DMGDH: variants seen among roughly 807,000 people sequenced by gnomAD.
DMGDH encodes dimethylglycine dehydrogenase, also known as dimethylglycine dehydrogenase, mitochondrial.
A neutral mutation model predicts 95.2 loss-of-function variants in DMGDH; 76 were observed. That is an observed-to-expected ratio of 0.80 (90% CI 0.66 to 0.97). DMGDH has a LOEUF of 0.97. DMGDH is among the 50% of genes least tolerant of loss of function. DMGDH has a pLI of 0.00. For missense variants in DMGDH, 987 were observed against 1,055.0 expected, an observed-to-expected ratio of 0.94 and a Z score of 0.89; for synonymous variants, 345 against 377.6, an observed-to-expected ratio of 0.91 and a Z score of 1.00.
chr5:79,008,590 G>A (rs1288721552), intron 14 of DMGDH, among the ~76,000 whole-genome samples: 1 of 152,112 alleles, frequency 6.6e-6, no homozygotes, highest in African/African-American at 2.4e-5. Flanking sequence ...TGGGGGTGCT[G>A]GATGAGAGCT....
At chr5:79,021,577 T>C in intron 14 of DMGDH, 10 of 1,297,834 alleles carry the variant, frequency 7.7e-6, no homozygotes, top group Non-Finnish European at 1.0e-5. Flanking sequence ...CCCTACTTGC[T>C]GACAGGTTTT....
At chr5:79,052,051 G>C (rs1239386057) in intron 4 of DMGDH, among the ~76,000 whole-genome samples, 1 of 152,164 alleles carries the variant, frequency 6.6e-6, no homozygotes, top group East Asian at 1.9e-4. Context: ...TGTCTTTTCT[G>C]TATCTATTGA....
At chr5:79,030,449 C>T (rs1034831458) in intron 10 of DMGDH, 13 of 251,574 alleles carry the variant, frequency 5.2e-5, no homozygotes, top group African/African-American at 1.1e-4. Flanking sequence ...GTCAGGAGTT[C>T]GAGACCAACA....
intron 15 of DMGDH, among the ~76,000 whole-genome samples, chr5:79,002,372 C>T (rs2112597551): frequency 6.6e-6 from 1 of 152,276 alleles, no homozygotes; most frequent in South Asian, 2.1e-4. Flanking sequence ...CATCTTTATG[C>T]CTTGATTTCA....
chr5:79,016,389 C>CAAA (rs1753735551), intron 14 of DMGDH, among the ~76,000 whole-genome samples: 1 of 152,114 alleles, frequency 6.6e-6, no homozygotes, highest in Non-Finnish European at 1.5e-5. Context: ...GCAGATTGAG[C>CAAA]AAAGTTCCAA....
At chr5:79,006,150 A>G (rs749431206) in intron 14 of DMGDH, among the ~76,000 whole-genome samples, 1 of 151,626 alleles carries the variant, frequency 6.6e-6, no homozygotes, top group South Asian at 2.1e-4. Flanking sequence ...TCCCAATGCA[A>G]TCAATGCAAG....
At chr5:79,034,223 A>G (rs760343827) in intron 7 of DMGDH, among the ~76,000 whole-genome samples, 17 of 152,122 alleles carry the variant, frequency 1.1e-4, no homozygotes, top group Admixed American at 6.5e-5. Flanking sequence ...ACCTGTGCGC[A>G]AGGAACTTGA....
intron 14 of DMGDH, among the ~76,000 whole-genome samples, 171 bp from the exon 15 acceptor site, chr5:79,005,578 T>A (rs932623881): frequency 4.6e-5 from 7 of 152,092 alleles, no homozygotes; most frequent in African/African-American, 1.7e-4. Context: ...CAAATGAGAG[T>A]ATCAGCCACC....
In DMGDH at chr5:79,042,210, T is replaced by G. The variant is rs1233558620; in HGVS notation, c.1193+73A>C. 4 of 1,412,368 alleles carry G rather than the reference T, an allele frequency of 2.8e-6. No individual in the cohort carries two copies. The African/African-American group carries it at 5.7e-5, about 20-fold the overall frequency. 87.5% of individuals were successfully genotyped at this position (1,412,368 alleles called of 1,614,324 possible). ...CCTCCCACATTTCCCTTTTGCATCC[T>G]GAGAATATGGAACTAGATTTAGCTA... On this transcript the variant is annotated intron_variant, in intron 7 of 15. Coordinates refer to ENST00000255189, the MANE Select transcript of DMGDH (RefSeq NM_013391.3).
chr5:79,047,528 G>A (rs562916559), intron 5 of DMGDH, among the ~76,000 whole-genome samples: 1 of 152,206 alleles, frequency 6.6e-6, no homozygotes, highest in East Asian at 1.9e-4. Context: ...TGAGTCAATT[G>A]GAAATGAGGT....
At chr5:79,022,056 G>A (rs1753882857) in intron 14 of DMGDH, among the ~76,000 whole-genome samples, 2 of 152,206 alleles carry the variant, frequency 1.3e-5, no homozygotes, top group Admixed American at 1.3e-4. Flanking sequence ...AACGATCATA[G>A]TGTAAATGCC....
intron 12 of DMGDH, among the ~76,000 whole-genome samples, chr5:79,027,252 G>A (rs776686847): frequency 1.2e-4 from 19 of 152,016 alleles, no homozygotes; most frequent in Non-Finnish European, 2.5e-4. Context: ...GAACTCCTGG[G>A]ACAATCAATC....
At position 79,028,568 on chromosome 5, in the gene DMGDH, C is replaced by A. The variant is rs1462268145; in HGVS notation, c.1897G>T (p.Ala633Ser). 2 of 1,614,136 alleles carry A rather than the reference C, an allele frequency of 1.2e-6. No individual in the cohort carries two copies. The highest frequency in any genetic ancestry group is 2.2e-5 in the South Asian group (2 of 91,072). The change falls in exon 12 of 16, where the codon GCT (alanine) becomes TCT (serine). Residue 633 changes from alanine (A) to serine (S), a missense_variant. Coordinates refer to ENST00000255189, the MANE Select transcript of DMGDH (RefSeq NM_013391.3). ...ITDELGVLGVAGPQARKVLQK... is the reference protein window; with the variant it reads ...ITDELGVLGVSGPQARKVLQK... ...AGGACCTTTCTTGCCTGTGGCCCAG[C>A]AACTCCAAGAACTCCAAGCTCATCA... is the stretch of plus-strand genomic sequence containing the variant.
intron 15 of DMGDH, chr5:79,000,109 A>G: frequency 2.2e-6 from 1 of 451,320 alleles, no homozygotes; most frequent in Non-Finnish European, 4.3e-6. Context: ...TCAGTGATGA[A>G]CATTTTTTGT....
At chr5:79,027,863 T>C (rs1476857120) in intron 12 of DMGDH, among the ~76,000 whole-genome samples, 1 of 146,468 alleles carries the variant, frequency 6.8e-6, no homozygotes, top group African/African-American at 2.5e-5. Context: ...TTTTTTGAGA[T>C]GCAGTTTCAC....
chr5:79,040,290 A>C (rs1007680289), intron 7 of DMGDH, among the ~76,000 whole-genome samples: 1 of 152,224 alleles, frequency 6.6e-6, no homozygotes, highest in African/African-American at 2.4e-5. Context: ...GCTGGAAAAT[A>C]CCACACATTT....
At chr5:79,065,303 C>T (rs111727842) in intron 1 of DMGDH, among the ~76,000 whole-genome samples, 2,411 of 151,568 alleles carry the variant, frequency 0.016, 59 homozygotes, top group African/African-American at 0.056. Flanking sequence ...ATTCCACCCC[C>T]AAGGTTGAAG....
rs1202557244 is a variant in DMGDH at position 79,032,734 on chromosome 5, C to T, written c.1470G>A (p.Trp490Ter). The T allele has an allele frequency of 6.2e-7, 1 of 1,614,162 alleles. No homozygotes were observed. The highest frequency in any genetic ancestry group is 1.7e-5 in the Admixed American group (1 of 60,016). Residue 490 changes from tryptophan (W) to a stop codon, truncating the protein, a stop_gained, in exon 9 of 16, where the codon TGG (tryptophan) becomes TGA (stop). Transcript: ENST00000255189. LOFTEE classifies it high-confidence loss of function. ...GTTTGTAGAACCAGTGCGGCTGCTC[C>T]CAGCCAGCATGGAACCCCATGGAAC... is the stretch of plus-strand genomic sequence containing the variant. ...SKCSMGFHAG[W>*]EQPHWFYKPG...
chr5:79,018,089 C>T (rs1444090315), intron 14 of DMGDH, among the ~76,000 whole-genome samples: 1 of 152,144 alleles, frequency 6.6e-6, no homozygotes, highest in Non-Finnish European at 1.5e-5. Context: ...GCTCAGTTGC[C>T]CTGGCTGGAG....
Sources: allele counts gnomAD v4.1 joint callset (sites outside exome capture counted in the v4.1 genomes callset), GRCh38; gene constraint gnomAD v4.1.1; transcripts MANE v1.5; gene names NCBI Gene and HGNC (gene_info 2026-07-23, HGNC 2026-07-21).